The following KCNH7 variants were observed in gnomAD, a reference collection of about 807,000 sequenced individuals.
The protein encoded by KCNH7 is potassium voltage-gated channel subfamily H member 7, also known as voltage-gated inwardly rectifying potassium channel KCNH7.
In KCNH7, 49 loss-of-function variants were observed where a neutral mutation model predicts 120.8. That is an observed-to-expected ratio of 0.41 (90% CI 0.32 to 0.51). The LOEUF (loss-of-function observed/expected upper bound fraction) is 0.51, where lower values mean the gene tolerates loss of function less well. Ranked by LOEUF, KCNH7 falls within the 20% of genes least tolerant of loss-of-function variation. The pLI is 0.38. For missense variants in KCNH7, 1,097 were observed against 1,446.6 expected, an observed-to-expected ratio of 0.76 and a Z score of 3.92; for synonymous variants, 547 against 516.1, an observed-to-expected ratio of 1.06 and a Z score of -0.81.
At chr2:162,728,655 G>A (rs932111825) in intron 2 of KCNH7, among the ~76,000 whole-genome samples, 1 of 152,134 alleles carries the variant, frequency 6.6e-6, no homozygotes, top group Non-Finnish European at 1.5e-5. Flanking sequence ...GTGCACGCCT[G>A]TAATCCTAGC....
chr2:162,796,799 G>C (rs1014500601), intron 2 of KCNH7: 6 of 151,836 alleles, frequency 4.0e-5, no homozygotes, highest in Non-Finnish European at 7.4e-5. Context: ...TTGTTTGTTG[G>C]CCATACCTGG....
intron 2 of KCNH7, among the ~76,000 whole-genome samples, chr2:162,667,028 T>C (rs1313286948): frequency 6.7e-6 from 1 of 148,700 alleles, no homozygotes; most frequent in East Asian, 2.0e-4. Flanking sequence ...CTTTTTTTTT[T>C]TTTTTTTTGG....
Position 162,714,839 on chromosome 2 carries a change from C to T in KCNH7, c.307+121698G>A, listed in dbSNP as rs1051210276. ...CTTAAATTTTAATTCTTTTTTCAAT[C>T]GTTTAAAAATGTAAACCTATTCTTA... On this transcript the variant is annotated intron_variant, in intron 2 of 15. Coordinates refer to ENST00000332142, the MANE Select transcript of KCNH7 (RefSeq NM_033272.4). Among the ~76,000 whole-genome samples the T allele has an allele frequency of 2.6e-5, 4 of 152,034 alleles. No individual in the cohort carries two copies. The East Asian group carries it at 5.8e-4, about 22-fold the overall frequency.
intron 9 of KCNH7, among the ~76,000 whole-genome samples, chr2:162,406,745 G>T (rs2105456462): frequency 6.6e-6 from 1 of 151,980 alleles, no homozygotes; most frequent in South Asian, 2.1e-4. Flanking sequence ...TAAGCATTCA[G>T]CATCTAAAAA....
At chr2:162,497,124 A>G (rs1023601465) in intron 6 of KCNH7, 10 of 152,210 alleles carry the variant, frequency 6.6e-5, no homozygotes, top group African/African-American at 2.4e-4. Flanking sequence ...TTCATTACAA[A>G]TCAGCCTGCA....
Position 162,791,504 on chromosome 2 carries a change from C to T in KCNH7, c.307+45033G>A, listed in dbSNP as rs305670. On this transcript the variant is annotated intron_variant, in intron 2 of 15. Coordinates refer to ENST00000332142, the MANE Select transcript of KCNH7 (RefSeq NM_033272.4). ...CTCCTTGTAGGGATCTTTAACCTCC[C>T]TACTTATCTGTATTCCTAGTATTTT... 2.8e-4 allele frequency among the ~76,000 whole-genome samples: 43 copies of T among 152,090 alleles called. No individual in the cohort carries two copies. In the South Asian group the frequency reaches 8.5e-3, roughly 30 times the overall value.
intron 2 of KCNH7, among the ~76,000 whole-genome samples, chr2:162,710,601 G>A (rs1299039716): frequency 3.3e-5 from 5 of 152,202 alleles, no homozygotes; most frequent in Admixed American, 1.3e-4. Flanking sequence ...GAGGATCACA[G>A]ACTCAAAAGC....
At chr2:162,385,016 C>A in intron 12 of KCNH7, 77 bp from the exon 13 acceptor site, 2 of 1,136,740 alleles carry the variant, frequency 1.8e-6, no homozygotes, top group Non-Finnish European at 1.2e-6. Context: ...ATTACACTAC[C>A]TAGCTATATA....
intron 2 of KCNH7, among the ~76,000 whole-genome samples, chr2:162,684,343 AC>A (rs1685811691): frequency 6.6e-6 from 1 of 152,206 alleles, no homozygotes; most frequent in Admixed American, 6.6e-5. Flanking sequence ...GCCAAAATTG[AC>A]GAATGACATC....
At chr2:162,560,121 G>A (rs773553108) in intron 2 of KCNH7, among the ~76,000 whole-genome samples, 7 of 152,168 alleles carry the variant, frequency 4.6e-5, no homozygotes, top group Non-Finnish European at 7.4e-5. Flanking sequence ...TAATTCTTGC[G>A]TGGCAACTAG....
At chr2:162,400,547 G>T in intron 9 of KCNH7, 106 bp from the exon 10 acceptor site, 2 of 1,112,864 alleles carry the variant, frequency 1.8e-6, no homozygotes, top group Non-Finnish European at 1.3e-6. Context: ...TCATTGCCAC[G>T]CAGGAGTTCC....
At chr2:162,433,869 C>A (rs997171033) in intron 8 of KCNH7, among the ~76,000 whole-genome samples, 6 of 151,998 alleles carry the variant, frequency 3.9e-5, no homozygotes, top group Admixed American at 6.6e-5. Context: ...CCAACAATTC[C>A]ATTACTGGGT....
intron 6 of KCNH7, among the ~76,000 whole-genome samples, chr2:162,456,908 G>A (rs1250412202): frequency 6.6e-6 from 1 of 151,748 alleles, no homozygotes; most frequent in African/African-American, 2.4e-5. Context: ...AAGACAATAG[G>A]TTATTTAGTT....
intron 2 of KCNH7, among the ~76,000 whole-genome samples, chr2:162,736,466 A>G (rs930112542): frequency 6.6e-6 from 1 of 152,216 alleles, no homozygotes. Context: ...AGTGTTTTGT[A>G]TAAGAAATGA....
intron 2 of KCNH7, among the ~76,000 whole-genome samples, chr2:162,820,735 C>T (rs1169623938): frequency 6.6e-6 from 1 of 152,098 alleles, no homozygotes; most frequent in Non-Finnish European, 1.5e-5. Flanking sequence ...TGCAAAAATA[C>T]AAATATGAGT....
At chr2:162,754,145 G>A (rs1324878468) in intron 2 of KCNH7, among the ~76,000 whole-genome samples, 1 of 151,996 alleles carries the variant, frequency 6.6e-6, no homozygotes, top group African/African-American at 2.4e-5. Flanking sequence ...AGTGCATAAT[G>A]CCAAACTAAC....
intron 2 of KCNH7, among the ~76,000 whole-genome samples, chr2:162,579,523 C>A (rs912782618): frequency 6.6e-6 from 1 of 152,028 alleles, no homozygotes; most frequent in Admixed American, 6.6e-5. Flanking sequence ...GACTCGTTAA[C>A]CTCCCTAGTG....
intron 2 of KCNH7, among the ~76,000 whole-genome samples, chr2:162,807,150 C>G (rs1684568940): frequency 6.7e-6 from 1 of 149,698 alleles, no homozygotes; most frequent in African/African-American, 2.5e-5. Flanking sequence ...GTGGCTCAAG[C>G]CTATAATCCC....
intron 2 of KCNH7, among the ~76,000 whole-genome samples, chr2:162,661,264 T>A (rs1684950070): frequency 6.6e-6 from 1 of 152,078 alleles, no homozygotes. Flanking sequence ...TTTTTATCCC[T>A]CAAATTTTCA....
Sources: allele counts gnomAD v4.1 joint callset (sites outside exome capture counted in the v4.1 genomes callset), GRCh38; gene constraint gnomAD v4.1.1; transcripts MANE v1.5; gene names NCBI Gene and HGNC (gene_info 2026-07-23, HGNC 2026-07-21).